AHCYL2: variants seen among roughly 807,000 people sequenced by gnomAD.
AHCYL2 encodes the protein adenosylhomocysteinase like 2.
In AHCYL2, 28 loss-of-function variants were observed where a neutral mutation model predicts 81.4. That is an observed-to-expected ratio of 0.34 (90% CI 0.25 to 0.47). The LOEUF is 0.47. Among genes scored for constraint, AHCYL2 ranks in the 20% least tolerant of loss-of-function variants. AHCYL2 has a pLI of 1.00. For synonymous variants in AHCYL2, 272 were observed against 290.2 expected (o/e 0.94, Z 0.64); for missense variants, 551 against 785.1 (o/e 0.70, Z 3.56).
chr7:129,427,131 G>C lies in AHCYL2; in HGVS notation c.*86G>C, dbSNP rs2150973762. 2.8e-6 allele frequency: 4 copies of C among 1,404,100 alleles called. No homozygotes were observed. The highest frequency in any genetic ancestry group is 2.3e-5 in the East Asian group (1 of 43,638). The allele number at this position is 1,404,100 out of a possible 1,614,324, so 87.0% of individuals were successfully genotyped here. ...TATACAAGAAAGAATTCAGCAAGCTGCTTCTCCAATCAAAGCTGCCTGCCG... is the reference window on the plus strand; with the variant it reads ...TATACAAGAAAGAATTCAGCAAGCTCCTTCTCCAATCAAAGCTGCCTGCCG... On this transcript the variant is annotated 3_prime_UTR_variant, in exon 17 of 17. Coordinates refer to ENST00000325006, the MANE Select transcript of AHCYL2 (RefSeq NM_015328.4). The surrounding 1 kb of genome is among the most constrained non-coding windows in gnomAD (Gnocchi z 5.5).
In AHCYL2 at chr7:129,420,172, T is replaced by C. The variant is rs547824532; in HGVS notation, c.1462-2668T>C. Among the ~76,000 whole-genome samples, 25 of 152,326 alleles carry C rather than the reference T, an allele frequency of 1.6e-4. No homozygotes were observed. In the South Asian group the frequency reaches 5.2e-3, roughly 32 times the overall value. On this transcript the variant is annotated intron_variant, in intron 12 of 16. Transcript: ENST00000325006. ...ACTAAGCACTGGTTATTTTCTTATG[T>C]TTATAAGAAGTGTCCTTTCCTTGAT...
At chr7:129,307,774 G>C (rs577558898) in intron 1 of AHCYL2, among the ~76,000 whole-genome samples, 109 of 151,960 alleles carry the variant, frequency 7.2e-4, no homozygotes, top group African/African-American at 2.5e-3. Flanking sequence ...GGTCCTAGCT[G>C]GTTGCCGCTG....
intron 1 of AHCYL2, among the ~76,000 whole-genome samples, chr7:129,244,028 T>C (rs1794960941): frequency 6.6e-6 from 1 of 151,930 alleles, no homozygotes; most frequent in Non-Finnish European, 1.5e-5. Context: ...GGACAGTATC[T>C]TGCTGTGTTG....
In AHCYL2 at chr7:129,225,244, C is replaced by T. The variant is rs1338725380; in HGVS notation, c.168C>T (p.Ala56=). The change falls in exon 1 of 17, where the codon GCC becomes GCT. Residue 56 remains alanine (A), a synonymous_variant. Transcript: ENST00000325006. ...GAGACCCTGAGGCTCCAGCTCCCGC[C>T]GCGGAGCGGCCCCCGGTCCCCGGCC... The part of the protein sequence containing the change: ...GGGDPEAPAP[A]AERPPVPGPG... The T allele has an allele frequency of 2.7e-6, 4 of 1,468,282 alleles. No individual in the cohort carries two copies. Among genetic ancestry groups the T allele is most frequent in the Non-Finnish European group, 2.7e-6 (3 of 1,118,782 alleles). 91.0% of individuals were successfully genotyped at this position (1,468,282 alleles called of 1,614,324 possible).
chr7:129,393,304 G>A (rs906332392), intron 4 of AHCYL2, among the ~76,000 whole-genome samples: 9 of 152,294 alleles, frequency 5.9e-5, no homozygotes, highest in Admixed American at 2.0e-4. Flanking sequence ...TGTAGTTCCA[G>A]CTACTTGGGA....
chr7:129,375,400 A>C (rs1794631458), intron 1 of AHCYL2, among the ~76,000 whole-genome samples: 1 of 152,116 alleles, frequency 6.6e-6, no homozygotes, highest in Non-Finnish European at 1.5e-5. Context: ...TTTTTTTCTA[A>C]TGAGACTAGG....
chr7:129,390,579 A>C (rs979781669), intron 4 of AHCYL2, among the ~76,000 whole-genome samples: 1 of 152,248 alleles, frequency 6.6e-6, no homozygotes, highest in Non-Finnish European at 1.5e-5. Flanking sequence ...CTTCAGATGC[A>C]GGATCTCAGG....
At chr7:129,334,806 A>T (rs1798538030) in intron 1 of AHCYL2, among the ~76,000 whole-genome samples, 1 of 152,188 alleles carries the variant, frequency 6.6e-6, no homozygotes, top group Admixed American at 6.5e-5. Flanking sequence ...GTGATTGATT[A>T]ATATCATTTT....
At chr7:129,309,177 A>G (rs1449400334) in intron 1 of AHCYL2, among the ~76,000 whole-genome samples, 2 of 152,156 alleles carry the variant, frequency 1.3e-5, no homozygotes, top group Non-Finnish European at 2.9e-5. Flanking sequence ...GGTTGCAGTG[A>G]GCTGAGATCA....
intron 1 of AHCYL2, among the ~76,000 whole-genome samples, chr7:129,258,678 A>G (rs1227393788): frequency 3.9e-5 from 6 of 151,982 alleles, no homozygotes; most frequent in Non-Finnish European, 8.8e-5. Flanking sequence ...TAGGAAACAA[A>G]CAGTTCCTAT....
At chr7:129,273,321 C>CCTT (rs1554472912) in intron 1 of AHCYL2, among the ~76,000 whole-genome samples, 1 of 75,888 alleles carries the variant, frequency 1.3e-5, no homozygotes, top group Non-Finnish European at 2.2e-5. Context: ...TTTGCTAAGA[C>CCTT]TTTTTTTTTT....
chr7:129,341,831 A>T (rs1413392647), intron 1 of AHCYL2, among the ~76,000 whole-genome samples: 2 of 152,228 alleles, frequency 1.3e-5, no homozygotes, highest in Non-Finnish European at 2.9e-5. Flanking sequence ...TAGAAATAAA[A>T]CAAACTGTGT....
At chr7:129,256,549 A>ACG (rs1213535960) in intron 1 of AHCYL2, among the ~76,000 whole-genome samples, 1 of 63,744 alleles carries the variant, frequency 1.6e-5, no homozygotes, top group Admixed American at 1.8e-4. Flanking sequence ...CCCACCCCCC[A>ACG]CCCCCCCCCC....
intron 2 of AHCYL2, among the ~76,000 whole-genome samples, chr7:129,386,304 AAGGCAAAAATT>A (rs1024130514): frequency 6.6e-6 from 1 of 152,122 alleles, no homozygotes; most frequent in Admixed American, 6.5e-5. Flanking sequence ...CTCTACTAAA[AAGGCAAAAATT>A]AGCCAGGCAC....
At chr7:129,245,949 CTG>C (rs1462749950) in intron 1 of AHCYL2, among the ~76,000 whole-genome samples, 1 of 152,172 alleles carries the variant, frequency 6.6e-6, no homozygotes, top group East Asian at 1.9e-4. Flanking sequence ...AGCAACTGCA[CTG>C]TTTTACATTT....
intron 4 of AHCYL2, among the ~76,000 whole-genome samples, chr7:129,393,179 C>A (rs9641851): frequency 6.6e-6 from 1 of 151,988 alleles, no homozygotes; most frequent in Non-Finnish European, 1.5e-5. Context: ...CACTTTGGGA[C>A]GTCAAGGTTG....
At chr7:129,327,692 C>A (rs1798271173) in intron 1 of AHCYL2, among the ~76,000 whole-genome samples, 1 of 152,154 alleles carries the variant, frequency 6.6e-6, no homozygotes, top group South Asian at 2.1e-4. Flanking sequence ...TCTTGAACTT[C>A]TGACCCGGTG....
intron 4 of AHCYL2, among the ~76,000 whole-genome samples, chr7:129,391,897 A>G (rs952568388): frequency 1.3e-5 from 2 of 152,194 alleles, no homozygotes. Context: ...TTGAAAAGCT[A>G]TCTGTTTTGG....
rs1330454324 is a variant in AHCYL2 at position 129,426,258 on chromosome 7, C to G, written c.1709-185C>G. On this transcript the variant is annotated intron_variant, in intron 15 of 16. Transcript: ENST00000325006. This position sits in a 1 kb window ranked among gnomAD's most constrained non-coding sequence, Gnocchi z 4.3. The stretch of plus-strand genomic sequence containing the variant: ...TGAATTATTAAGGCTTTGGAAAGCA[C>G]TGGGCTTGAAGCTGAAGGCAGCTAT... Among the ~76,000 whole-genome samples, 3 of 152,222 alleles carry G rather than the reference C, an allele frequency of 2.0e-5. No homozygotes were observed. Among genetic ancestry groups the G allele is most frequent in the African/African-American group, 7.2e-5 (3 of 41,458 alleles).
Sources: gnomAD v4.1 joint callset for allele counts (sites outside exome capture counted in the v4.1 genomes callset) on GRCh38, gnomAD v4.1.1 for gene constraint, Gnocchi (gnomAD v3.1) non-coding constraint, MANE v1.5 for transcripts, NCBI Gene and HGNC (gene_info 2026-07-23, HGNC 2026-07-21) for gene names.